Variants in EVC2 observed in about 807,000 individuals in gnomAD.
EVC2 encodes the protein EvC ciliary complex subunit 2, also known as limbin.
EVC2 carries 148 observed loss-of-function variants against 149.3 expected under a neutral mutation model. The observed-to-expected ratio is 0.99, with a 90% CI of 0.87 to 1.14. The LOEUF (loss-of-function observed/expected upper bound fraction) is 1.14, where lower values mean the gene tolerates loss of function less well. Ranked by LOEUF, EVC2 falls within the 50% of genes most tolerant of loss-of-function variation. The pLI is 0.00. For synonymous variants in EVC2, 776 were observed against 649.9 expected (o/e 1.19, Z -2.95); for missense variants, 1,854 against 1,627.3 (o/e 1.14, Z -2.40).
downstream of EVC2, among the ~76,000 whole-genome samples, chr4:5,541,302 G>A (rs1271306207): frequency 3.4e-4 from 51 of 152,136 alleles, no homozygotes; most frequent in African/African-American, 2.4e-5. Context: ...TTCCCATGGA[G>A]CTGACAGTCC....
intron 16 of EVC2, among the ~76,000 whole-genome samples, chr4:5,609,577 T>C: frequency 6.6e-6 from 1 of 152,110 alleles, no homozygotes; most frequent in East Asian, 1.9e-4. Context: ...GCTGCTCCAT[T>C]AGTGGGAAAG....
chr4:5,694,274 C>T (rs1408541910), intron 3 of EVC2, 61 bp downstream of exon 3: 25 of 1,571,464 alleles, frequency 1.6e-5, no homozygotes, highest in Non-Finnish European at 2.1e-5. Context: ...TATATACAGG[C>T]CATAATTGGT....
Position 5,665,575 on chromosome 4 carries a change from A to T in EVC2, c.945T>A (p.Ala315=), listed in dbSNP as rs1719214926. ...GATAGCGAACCATGAGGAAGAGGGC[A>T]GCCCAGGTCAGCACAAGGGAGAGGA... ...AFLLSLVLTW[A]ALFLMVRYQC... The change falls in exon 8 of 22, where the codon GCT becomes GCA. Residue 315 remains alanine (A), a synonymous_variant. Transcript: ENST00000344408. 6.2e-7 allele frequency: 1 copy of T among 1,614,126 alleles called. No individual in the cohort carries two copies. The highest frequency in any genetic ancestry group is 1.3e-5 in the African/African-American group (1 of 74,944).
chr4:5,536,130 G>T, the EVC2 span, among the ~76,000 whole-genome samples: 1 of 151,934 alleles, frequency 6.6e-6, no homozygotes, highest in East Asian at 1.9e-4. Context: ...CGACATGCAA[G>T]GTTCACCATA....
At chr4:5,546,727 TG>T (rs1721630407) in intron 21 of EVC2, among the ~76,000 whole-genome samples, 1 of 146,822 alleles carries the variant, frequency 6.8e-6, no homozygotes, top group African/African-American at 2.6e-5. Context: ...ATAATAAAAT[TG>T]AAAAAAAAAA....
intron 14 of EVC2, among the ~76,000 whole-genome samples, chr4:5,619,850 G>T (rs73198141): frequency 6.6e-6 from 1 of 152,272 alleles, no homozygotes; most frequent in Non-Finnish European, 1.5e-5. Context: ...AGAATTATTC[G>T]TTGAACAAAG....
chr4:5,669,648 C>G (rs1178533079), intron 7 of EVC2, among the ~76,000 whole-genome samples: 1 of 152,246 alleles, frequency 6.6e-6, no homozygotes, highest in African/African-American at 2.4e-5. Context: ...CTCCCTCCTG[C>G]TTCATGAAGT....
chr4:5,669,120 G>A (rs1241707187), intron 7 of EVC2, among the ~76,000 whole-genome samples: 1 of 152,210 alleles, frequency 6.6e-6, no homozygotes, highest in Non-Finnish European at 1.5e-5. Context: ...AAGAGGCAAA[G>A]GAAGATGCTT....
chr4:5,662,952 CCAAA>C (rs2108895586), intron 9 of EVC2, among the ~76,000 whole-genome samples, 151 bp downstream of exon 9: 1 of 151,932 alleles, frequency 6.6e-6, no homozygotes, highest in South Asian at 2.1e-4. Flanking sequence ...TTCCTAGATG[CCAAA>C]CATTCAGTGC....
rs1718595716 is a variant in EVC2 at position 5,657,443 on chromosome 4, A to G, written c.1145+5664T>C. On this transcript the variant is annotated intron_variant, in intron 9 of 21. Transcript: ENST00000344408. The surrounding 1 kb of genome is among the most constrained non-coding windows in gnomAD (Gnocchi z 4.7). ...TGCAAGAGTGTCCCAGCCACAGGAC[A>G]TCCTTGGAGGAAGCTGGGTAGCCTG... 6.6e-6 allele frequency among the ~76,000 whole-genome samples: 1 copy of G among 152,136 alleles called. No homozygotes were observed. Among genetic ancestry groups the G allele is most frequent in the African/African-American group, 2.4e-5 (1 of 41,438 alleles).
intron 9 of EVC2, among the ~76,000 whole-genome samples, chr4:5,648,699 C>G (rs1717902446): frequency 6.6e-6 from 1 of 152,210 alleles, no homozygotes; most frequent in Non-Finnish European, 1.5e-5. Context: ...TCAGGGCCCA[C>G]AGCTCACCTT....
chr4:5,643,827 G>A lies in EVC2; in HGVS notation c.1146-2989C>T, dbSNP rs562170297. 2.5e-4 allele frequency among the ~76,000 whole-genome samples: 38 copies of A among 152,128 alleles called. No homozygotes were observed. In the East Asian group the frequency reaches 5.0e-3, roughly 20 times the overall value. On this transcript the variant is annotated intron_variant, in intron 9 of 21. Transcript: ENST00000344408. ...CCCCAGCTACTCGGGTGGCTGAGGC[G>A]GAGGTTGCAGTTGGCCAAGATTGCA...
intron 10 of EVC2, among the ~76,000 whole-genome samples, chr4:5,635,705 G>A (rs1050861286): frequency 3.3e-5 from 5 of 152,204 alleles, no homozygotes; most frequent in African/African-American, 7.2e-5. Context: ...CATCAGAAAC[G>A]GTGAAAATGT....
chr4:5,614,128 G>A lies in EVC2; in HGVS notation c.2829+1294C>T, dbSNP rs531855360. 1.6e-4 allele frequency among the ~76,000 whole-genome samples: 25 copies of A among 152,190 alleles called. No individual in the cohort carries two copies. Among genetic ancestry groups the A allele is most frequent in the African/African-American group, 4.8e-4 (20 of 41,524 alleles). On this transcript the variant is annotated intron_variant, in intron 16 of 21. Transcript: ENST00000344408. This position sits in a 1 kb window ranked among gnomAD's most constrained non-coding sequence, Gnocchi z 4.7. ...GAAGGCAGACAGACACTCAGGCTGCGGTCACACAGCGTCTACTCTTAAGCA... is the reference window on the plus strand; with the variant it reads ...GAAGGCAGACAGACACTCAGGCTGCAGTCACACAGCGTCTACTCTTAAGCA...
intron 16 of EVC2, among the ~76,000 whole-genome samples, chr4:5,597,664 G>C (rs959447275): frequency 6.1e-5 from 9 of 148,718 alleles, no homozygotes; most frequent in African/African-American, 1.7e-4. Flanking sequence ...GCACAAGACA[G>C]GGATGCCCTC....
chr4:5,550,171 A>C (rs553153209), intron 21 of EVC2, among the ~76,000 whole-genome samples: 325 of 152,310 alleles, frequency 2.1e-3, no homozygotes, highest in Non-Finnish European at 4.0e-3. Flanking sequence ...AAAGATACCC[A>C]AAAATGTGGA....
In EVC2 at chr4:5,685,485, C is replaced by T. The variant is rs2151728173; in HGVS notation, c.707-6G>A. On this transcript the variant is annotated splice_region_variant and splice_polypyrimidine_tract_variant and intron_variant, in intron 5 of 21. Transcript: ENST00000344408. ...GACAGCAAAGGCATCTCCCACTGCG[C>T]AGAGAAAAGCACATGTGACTCAGGG... 2 of 1,613,748 alleles carry T rather than the reference C, an allele frequency of 1.2e-6. No individual in the cohort carries two copies. The highest frequency in any genetic ancestry group is 1.7e-6 in the Non-Finnish European group (2 of 1,179,756).
chr4:5,685,509 G>A (rs375733795), intron 5 of EVC2, 30 bp from the exon 6 acceptor site: 70 of 1,603,130 alleles, frequency 4.4e-5, no homozygotes, highest in Non-Finnish European at 5.7e-5. Context: ...TGTGACTCAG[G>A]GAGGGCTTGG....
chr4:5,698,885 T>C (rs2151740916), intron 1 of EVC2, among the ~76,000 whole-genome samples: 1 of 152,310 alleles, frequency 6.6e-6, no homozygotes. Flanking sequence ...TGGGTCCAGT[T>C]CCAATGACTA....
Sources: allele counts gnomAD v4.1 joint callset (sites outside exome capture counted in the v4.1 genomes callset), GRCh38; gene constraint gnomAD v4.1.1; non-coding constraint Gnocchi (gnomAD v3.1); transcripts MANE v1.5; gene names NCBI Gene and HGNC (gene_info 2026-07-23, HGNC 2026-07-21).